The following CDH4 variants were observed in gnomAD, a reference collection of about 807,000 sequenced individuals.
The protein encoded by CDH4 is cadherin-4.
Under a neutral mutation model 86.0 loss-of-function variants are expected in CDH4, and 33 were observed. The observed-to-expected ratio is 0.38, with a 90% CI of 0.29 to 0.51. CDH4 has a LOEUF of 0.51. Among genes scored for constraint, CDH4 ranks in the 20% least tolerant of loss-of-function variants. CDH4 has a pLI of 0.86. For synonymous variants in CDH4, 555 were observed against 549.4 expected (o/e 1.01, Z -0.14); for missense variants, 1,114 against 1,307.4 (o/e 0.85, Z 2.28).
At chr20:61,912,045 C>T (rs1432072961) in intron 9 of CDH4, among the ~76,000 whole-genome samples, 1 of 152,212 alleles carries the variant, frequency 6.6e-6, no homozygotes, top group Non-Finnish European at 1.5e-5. Flanking sequence ...CTGCTGTGCA[C>T]ACCTTTCAGC....
rs145935550 is a variant in CDH4, at chr20:61,700,167, G to A, written c.170-43396G>A. Among the ~76,000 whole-genome samples, 176 of 152,310 alleles carry A rather than the reference G, an allele frequency of 1.2e-3. 1 individual carries two copies. Among genetic ancestry groups the A allele is most frequent in the African/African-American group, 4.0e-3 (167 of 41,568 alleles). On this transcript the variant is annotated intron_variant, in intron 2 of 15. Transcript: ENST00000614565. ...GCCATGTCCTGTCCCCTTCACTCCAGCCGTGAGCTCTGCCTGCTCTTGCCT... is the reference window on the plus strand; with the variant it reads ...GCCATGTCCTGTCCCCTTCACTCCAACCGTGAGCTCTGCCTGCTCTTGCCT...
intron 2 of CDH4, among the ~76,000 whole-genome samples, chr20:61,557,221 A>G (rs1331489789): frequency 6.6e-6 from 1 of 152,200 alleles, no homozygotes; most frequent in Admixed American, 6.5e-5. Flanking sequence ...TATTTTAGGC[A>G]TCATCACCAT....
chr20:61,461,586 C>T (rs769725505), intron 2 of CDH4, among the ~76,000 whole-genome samples: 11 of 152,064 alleles, frequency 7.2e-5, no homozygotes, highest in Non-Finnish European at 1.3e-4. Context: ...GGAAATGCAA[C>T]GGGACCCACG....
At chr20:61,906,471 A>G (rs150445050) in intron 8 of CDH4, among the ~76,000 whole-genome samples, 2 of 152,356 alleles carry the variant, frequency 1.3e-5, no homozygotes, top group Non-Finnish European at 2.9e-5. Flanking sequence ...ACCCTCCCAC[A>G]GAGGCCTGAA....
chr20:61,396,284 C>G (rs2085016374), intron 2 of CDH4, among the ~76,000 whole-genome samples: 1 of 152,100 alleles, frequency 6.6e-6, no homozygotes, highest in Non-Finnish European at 1.5e-5. Context: ...TCGGAATTTC[C>G]AGGGCCCTTG....
chr20:61,257,291 C>G (rs891905444), intron 2 of CDH4, among the ~76,000 whole-genome samples: 1 of 152,146 alleles, frequency 6.6e-6, no homozygotes, highest in Non-Finnish European at 1.5e-5. Context: ...ATTTGTTACA[C>G]GGTAATTAAC....
chr20:61,509,929 G>C (rs1403665527), intron 2 of CDH4, among the ~76,000 whole-genome samples: 1 of 152,098 alleles, frequency 6.6e-6, no homozygotes, highest in Non-Finnish European at 1.5e-5. Context: ...GGGTAAAAAA[G>C]GGAAAGAGAG....
At chr20:61,460,320 G>T (rs1450405269) in intron 2 of CDH4, among the ~76,000 whole-genome samples, 1 of 152,134 alleles carries the variant, frequency 6.6e-6, no homozygotes, top group African/African-American at 2.4e-5. Context: ...AGCAGAAAAA[G>T]GCTGCTCTGT....
intron 2 of CDH4, among the ~76,000 whole-genome samples, chr20:61,322,849 G>C (rs1275544664): frequency 6.6e-6 from 1 of 152,206 alleles, no homozygotes; most frequent in African/African-American, 2.4e-5. Flanking sequence ...GATCGCAGCA[G>C]TGCATTTCTT....
At chr20:61,279,173 G>A (rs921607271) in intron 2 of CDH4, among the ~76,000 whole-genome samples, 6 of 152,206 alleles carry the variant, frequency 3.9e-5, no homozygotes, top group Admixed American at 1.3e-4. Context: ...GTTATTAAAT[G>A]AGCATCTGGG....
At position 61,879,349 on chromosome 20, in the gene CDH4, A is replaced by T. The variant is rs6121825; in HGVS notation, c.1050+5449A>T. On this transcript the variant is annotated intron_variant, in intron 7 of 15. Coordinates refer to ENST00000614565, the MANE Select transcript of CDH4 (RefSeq NM_001794.5). The surrounding 1 kb of genome is among the most constrained non-coding windows in gnomAD (Gnocchi z 4.1). ...GCTCAGCCACTTCTGAAAAGGACAC[A>T]TCGGTAGTTCCTTTTTCTCTTCCTC... is the stretch of plus-strand genomic sequence containing the variant. Among the ~76,000 whole-genome samples the T allele has an allele frequency of 6.6e-6, 1 of 151,962 alleles. No individual in the cohort carries two copies. The highest frequency in any genetic ancestry group is 1.5e-5 in the Non-Finnish European group (1 of 68,000).
chr20:61,824,350 G>C (rs1371832428), intron 4 of CDH4, among the ~76,000 whole-genome samples: 1 of 142,710 alleles, frequency 7.0e-6, no homozygotes, highest in Non-Finnish European at 1.5e-5. Context: ...TAAAAAGATG[G>C]ATAAAAATAC....
intron 4 of CDH4, among the ~76,000 whole-genome samples, chr20:61,843,431 T>C (rs1377094243): frequency 1.7e-5 from 2 of 119,292 alleles, no homozygotes; most frequent in African/African-American, 6.6e-5. Context: ...CAGTCCGGCC[T>C]GGGCGACAGA....
rs534424614 is a variant in CDH4, at chr20:61,302,430, C to A, written c.169+47493C>A. Among the ~76,000 whole-genome samples, 34 of 152,148 alleles carry A rather than the reference C, an allele frequency of 2.2e-4. 1 individual carries two copies. The highest frequency in any genetic ancestry group is 2.1e-3 in the Admixed American group (32 of 15,276). On this transcript the variant is annotated intron_variant, in intron 2 of 15. Coordinates refer to ENST00000614565, the MANE Select transcript of CDH4 (RefSeq NM_001794.5). Reference sequence around the variant, plus strand: ...AGCTTAACGCCTAACTTCAGATGAACGGTGAAAAGCAAAAGCATCCAGGAT... The same window carrying A: ...AGCTTAACGCCTAACTTCAGATGAAAGGTGAAAAGCAAAAGCATCCAGGAT...
At chr20:61,509,243 C>T (rs1473982403) in intron 2 of CDH4, among the ~76,000 whole-genome samples, 1 of 151,936 alleles carries the variant, frequency 6.6e-6, no homozygotes, top group Non-Finnish European at 1.5e-5. Context: ...GCAGAATCCC[C>T]AGCTCTCAGA....
At chr20:61,911,688 CG>C (rs1568883183) in intron 9 of CDH4, among the ~76,000 whole-genome samples, 14 of 144,610 alleles carry the variant, frequency 9.7e-5, no homozygotes, top group Admixed American at 6.2e-4. Flanking sequence ...TAGGATATGC[CG>C]AAGCATAAGG....
intron 3 of CDH4, among the ~76,000 whole-genome samples, chr20:61,757,240 C>A (rs1347024928): frequency 1.3e-5 from 2 of 152,106 alleles, no homozygotes; most frequent in Non-Finnish European, 2.9e-5. Context: ...CAGACCCCCC[C>A]CCCAGCCCCC....
chr20:61,561,953 C>T (rs1180545214), intron 2 of CDH4, among the ~76,000 whole-genome samples: 19 of 152,254 alleles, frequency 1.2e-4, no homozygotes, highest in Non-Finnish European at 1.5e-5. Flanking sequence ...GAAATCCTGA[C>T]CCCAGGGCTC....
rs1179145394 is a variant in CDH4, at chr20:61,929,839, C to T, written c.2236C>T (p.Leu746=). 1 of 1,612,628 alleles carries T rather than the reference C, an allele frequency of 6.2e-7. No individual in the cohort carries two copies. Among genetic ancestry groups the T allele is most frequent in the East Asian group, 2.2e-5 (1 of 44,886 alleles). ...VAILICILIL[L]TMVLLFVMWM... is the part of the protein sequence containing the mutation. ...CATCCTCATCTGCATCCTCATCCTG[C>T]TGAGTGAGTGTGGCTGAGCACCAGG... Residue 746 remains leucine (L), a synonymous_variant, in exon 13 of 16, where the codon CTG becomes TTG. Transcript: ENST00000614565.
Sources: allele counts gnomAD v4.1 joint callset (sites outside exome capture counted in the v4.1 genomes callset), GRCh38; gene constraint gnomAD v4.1.1; non-coding constraint Gnocchi (gnomAD v3.1); transcripts MANE v1.5; gene names NCBI Gene and HGNC (gene_info 2026-07-23, HGNC 2026-07-21).